The following WWOX variants were observed in gnomAD, a reference collection of about 807,000 sequenced individuals.
WWOX encodes the protein WW domain-containing oxidoreductase.
Under a neutral mutation model 46.2 loss-of-function variants are expected in WWOX, and 69 were observed. The observed-to-expected ratio is 1.49, with a 90% CI of 1.23 to 1.82. The LOEUF is 1.82. Among genes scored for constraint, WWOX ranks in the 40% most tolerant of loss-of-function variants. WWOX has a pLI of 0.00. For synonymous variants in WWOX, 359 were observed against 202.6 expected, an observed-to-expected ratio of 1.77 and a Z score of -6.56; for missense variants, 919 against 542.6, an observed-to-expected ratio of 1.69 and a Z score of -6.89.
At chr16:78,714,060 A>G (rs1009528585) in intron 8 of WWOX, among the ~76,000 whole-genome samples, 10 of 152,154 alleles carry the variant, frequency 6.6e-5, no homozygotes, top group African/African-American at 2.4e-4. Flanking sequence ...CAAAATGATG[A>G]CTTAAAGAGA....
At chr16:78,653,172 A>T (rs1279443443) in intron 8 of WWOX, among the ~76,000 whole-genome samples, 1 of 152,130 alleles carries the variant, frequency 6.6e-6, no homozygotes, top group East Asian at 1.9e-4. Context: ...AAAAACAAGA[A>T]TTTCTCATGT....
chr16:78,507,142 C>G (rs979903265), intron 8 of WWOX, among the ~76,000 whole-genome samples: 2 of 152,160 alleles, frequency 1.3e-5, no homozygotes, highest in Non-Finnish European at 2.9e-5. Context: ...ATTCAACCAA[C>G]AGAGAACAAA....
At position 78,604,625 on chromosome 16, in the gene WWOX, C is replaced by A. The variant is rs184130270; in HGVS notation, c.1056+171873C>A. Among the ~76,000 whole-genome samples the A allele has an allele frequency of 1.7e-4, 26 of 151,818 alleles. No individual in the cohort carries two copies. The East Asian group carries it at 4.9e-3, about 28-fold the overall frequency. On this transcript the variant is annotated intron_variant, in intron 8 of 8. Transcript: ENST00000566780. ...TACCCTTTTTCTTCAATGTTAAATA[C>A]CATTTCCTTTAATAAAGATTTAAAA...
intron 5 of WWOX, among the ~76,000 whole-genome samples, chr16:78,366,438 G>A (rs986168184): frequency 2.0e-5 from 3 of 152,064 alleles, no homozygotes; most frequent in South Asian, 2.1e-4. Flanking sequence ...ACACTCTAAG[G>A]AATGGCATGA....
At chr16:78,801,687 A>G (rs2050894225) in intron 8 of WWOX, among the ~76,000 whole-genome samples, 2 of 152,122 alleles carry the variant, frequency 1.3e-5, no homozygotes, top group South Asian at 4.1e-4. Flanking sequence ...GTGAGTGGTG[A>G]GTTGTGGATA....
At chr16:78,959,695 A>C (rs1200056710) in intron 8 of WWOX, among the ~76,000 whole-genome samples, 1 of 152,192 alleles carries the variant, frequency 6.6e-6, no homozygotes, top group Non-Finnish European at 1.5e-5. Context: ...GACACTGATG[A>C]GACCCCCCTG....
intron 8 of WWOX, among the ~76,000 whole-genome samples, chr16:78,757,166 T>C (rs2049671723): frequency 6.6e-6 from 1 of 152,268 alleles, no homozygotes; most frequent in African/African-American, 2.4e-5. Context: ...ACCACAGAAA[T>C]TCTTGTGCGA....
chr16:78,612,582 C>T (rs1424360576), intron 8 of WWOX, among the ~76,000 whole-genome samples: 2 of 152,222 alleles, frequency 1.3e-5, no homozygotes, highest in East Asian at 3.9e-4. Context: ...CTCAAGCATT[C>T]CTCCCACATC....
chr16:78,661,174 T>C (rs1033379246), intron 8 of WWOX, among the ~76,000 whole-genome samples: 3 of 152,152 alleles, frequency 2.0e-5, no homozygotes, highest in Non-Finnish European at 4.4e-5. Flanking sequence ...AACTGTCCTC[T>C]AGAATGGTTA....
intron 8 of WWOX, chr16:79,089,980 G>T (rs537420147): frequency 6.6e-6 from 1 of 151,706 alleles, no homozygotes; most frequent in Non-Finnish European, 1.5e-5. Context: ...AAAAGGGGGG[G>T]CCGGCGAGCT....
At chr16:79,091,670 T>C (rs2048962675) in intron 8 of WWOX, among the ~76,000 whole-genome samples, 1 of 152,178 alleles carries the variant, frequency 6.6e-6, no homozygotes, top group Non-Finnish European at 1.5e-5. Context: ...AAGGATATTC[T>C]TACCTCTTCG....
intron 8 of WWOX, among the ~76,000 whole-genome samples, chr16:79,000,794 G>T (rs1008976675): frequency 6.6e-6 from 1 of 152,156 alleles, no homozygotes; most frequent in African/African-American, 2.4e-5. Flanking sequence ...CCCTCTAAAA[G>T]CCCCTTTCTT....
Position 78,766,456 on chromosome 16 carries a change from C to T in WWOX, c.1056+333704C>T, listed in dbSNP as rs1597574843. On this transcript the variant is annotated intron_variant, in intron 8 of 8. Coordinates refer to ENST00000566780, the MANE Select transcript of WWOX (RefSeq NM_016373.4). The stretch of plus-strand genomic sequence containing the variant: ...AAAAAAATTTAGCCGGCTGTCGTGT[C>T]TCCTCCGTGTAGTCCCAGCTATTCA... Among the ~76,000 whole-genome samples, 3 of 152,200 alleles carry T rather than the reference C, an allele frequency of 2.0e-5. No individual in the cohort carries two copies. The South Asian group carries it at 6.2e-4, about 31-fold the overall frequency.
At chr16:79,036,328 C>T (rs954796932) in intron 8 of WWOX, among the ~76,000 whole-genome samples, 1 of 152,210 alleles carries the variant, frequency 6.6e-6, no homozygotes, top group Non-Finnish European at 1.5e-5. Context: ...ATCGAAAACT[C>T]ATCACTCTTC....
chr16:78,855,253 G>C (rs1339007511), intron 8 of WWOX, among the ~76,000 whole-genome samples: 9 of 152,086 alleles, frequency 5.9e-5, no homozygotes, highest in Admixed American at 5.2e-4. Flanking sequence ...AAAAACCAAA[G>C]TACTAAATAA....
At chr16:79,132,333 C>G (rs1319437016) in intron 8 of WWOX, among the ~76,000 whole-genome samples, 6 of 152,198 alleles carry the variant, frequency 3.9e-5, no homozygotes, top group Non-Finnish European at 8.8e-5. Flanking sequence ...TTTGTTAGGT[C>G]CCAGTATTGG....
chr16:79,204,742 A>G (rs2051452510), intron 8 of WWOX: 3 of 152,164 alleles, frequency 2.0e-5, no homozygotes, highest in Non-Finnish European at 4.4e-5. Flanking sequence ...CAGAACAAAC[A>G]TGGCTTTGGA....
Position 78,995,983 on chromosome 16 carries a change from G to C in WWOX, c.1057-215625G>C, listed in dbSNP as rs117892526. Among the ~76,000 whole-genome samples the C allele has an allele frequency of 6.6e-3, 1,012 of 152,250 alleles. 7 individuals carry two copies. Among genetic ancestry groups the C allele is most frequent in the Middle Eastern group, 0.014 (4 of 294 alleles). On this transcript the variant is annotated intron_variant, in intron 8 of 8. Coordinates refer to ENST00000566780, the MANE Select transcript of WWOX (RefSeq NM_016373.4). Reference sequence around the variant, plus strand: ...GTAAGTTGCAGGGAAGTAGAGGCCAGCTTGGAGTTAAAGGGTGGCTTTGAA... The same window carrying C: ...GTAAGTTGCAGGGAAGTAGAGGCCACCTTGGAGTTAAAGGGTGGCTTTGAA...
intron 8 of WWOX, among the ~76,000 whole-genome samples, chr16:78,757,333 C>T (rs1297436433): frequency 2.3e-5 from 1 of 43,408 alleles, no homozygotes; most frequent in East Asian, 6.7e-4. Context: ...CCTACCCCAG[C>T]ACCCCAGCAC....
Sources: allele counts gnomAD v4.1 joint callset (sites outside exome capture counted in the v4.1 genomes callset), GRCh38; gene constraint gnomAD v4.1.1; transcripts MANE v1.5; gene names NCBI Gene and HGNC (gene_info 2026-07-23, HGNC 2026-07-21).